ZNF251: variants seen among roughly 807,000 people sequenced by gnomAD.
ZNF251 encodes the protein zinc finger protein 251.
In ZNF251, 14 loss-of-function variants were observed where a neutral mutation model predicts 13.5. The ratio of observed to expected loss-of-function variants is 1.04; its 90% confidence interval spans 0.69 to 1.63. ZNF251 has a LOEUF of 1.63. Ranked by LOEUF, ZNF251 falls within the 40% of genes most tolerant of loss-of-function variation. The probability of loss-of-function intolerance (pLI) is 0.00; values close to 1 mark genes in which losing one functional copy is unlikely to be tolerated. For synonymous variants in ZNF251, 287 were observed against 295.2 expected (o/e 0.97, Z 0.28); for missense variants, 764 against 834.9 (o/e 0.92, Z 1.05).
At chr8:144,728,863 C>G (rs1165426651) in intron 4 of ZNF251, among the ~76,000 whole-genome samples, 1 of 151,718 alleles carries the variant, frequency 6.6e-6, no homozygotes, top group Admixed American at 6.6e-5. Context: ...CCCAGGGGGG[C>G]AGATCACCTG....
In ZNF251 at chr8:144,721,774, T is replaced by A; in HGVS notation, c.1886A>T (p.Lys629Ile). ...GAGCTGTGAACTCTGGCTGAAGGCT[T>A]TCCCATACACACTGCAATGACATGG... The part of the protein sequence containing the change: ...QKPCHCSVYG[K>I]AFSQSSQLTP... The change falls in exon 5 of 5, where the codon AAA becomes ATA. Residue 629 changes from lysine (K) to isoleucine (I), a missense_variant. Lys to Ile is a moderately radical substitution (Grantham distance 102, BLOSUM62 -3). Coordinates refer to ENST00000292562, the MANE Select transcript of ZNF251 (RefSeq NM_138367.2). 1 of 1,451,322 alleles carries A rather than the reference T, an allele frequency of 6.9e-7. No homozygotes were observed. Among genetic ancestry groups the A allele is most frequent in the Non-Finnish European group, 9.1e-7 (1 of 1,099,492 alleles). 89.9% of individuals were successfully genotyped at this position (1,451,322 alleles called of 1,614,324 possible).
At chr8:144,740,896 G>A (rs1328709187) in intron 4 of ZNF251, among the ~76,000 whole-genome samples, 2 of 151,918 alleles carry the variant, frequency 1.3e-5, no homozygotes, top group Non-Finnish European at 2.9e-5. Flanking sequence ...TGGCGCCATC[G>A]CACTCCGGCC....
chr8:144,742,481 A>C (rs1586699037), intron 4 of ZNF251, among the ~76,000 whole-genome samples: 5 of 140,962 alleles, frequency 3.5e-5, no homozygotes, highest in African/African-American at 8.0e-5. Context: ...CCCCCCACAC[A>C]CCTCCCCCAC....
chr8:144,736,532 C>G (rs1823902977), intron 4 of ZNF251, among the ~76,000 whole-genome samples: 2 of 151,420 alleles, frequency 1.3e-5, no homozygotes, highest in East Asian at 3.9e-4. Flanking sequence ...GCTCTTGTTG[C>G]CCAGGCTAGA....
chr8:144,754,385 C>A, intron 2 of ZNF251, 64 bp from the exon 3 acceptor site: 7 of 1,499,660 alleles, frequency 4.7e-6, no homozygotes, highest in Non-Finnish European at 4.5e-6. Context: ...ACTAAAAGGG[C>A]CCTGACCTGG....
Position 144,753,719 on chromosome 8 carries a change from C to T in ZNF251, c.241G>A (p.Ala81Thr). The T allele has an allele frequency of 6.3e-7, 1 of 1,597,116 alleles. No homozygotes were observed. The highest frequency in any genetic ancestry group is 8.5e-7 in the Non-Finnish European group (1 of 1,171,286). Reference sequence around the variant, plus strand: ...CTTTTCAAGATATCTGGTTCCTCAGCTCCCAGAAGATTCAGGACCCAAAGT... The same window carrying T: ...CTTTTCAAGATATCTGGTTCCTCAGTTCCCAGAAGATTCAGGACCCAAAGT... ...KELWVLNLLG[A>T]EEPDILKSCQ... Residue 81 changes from alanine to threonine, a missense_variant, in exon 4 of 5, where the codon GCT (alanine) becomes ACT (threonine). By Grantham distance (58) the Ala-to-Thr change is moderately conservative. Coordinates refer to ENST00000292562, the MANE Select transcript of ZNF251 (RefSeq NM_138367.2).
Position 144,723,289 on chromosome 8 carries a change from A to G in ZNF251, c.371T>C (p.Leu124Ser). 2 of 1,587,192 alleles carry G rather than the reference A, an allele frequency of 1.3e-6. No homozygotes were observed. Among genetic ancestry groups the G allele is most frequent in the Non-Finnish European group, 1.7e-6 (2 of 1,168,088 alleles). The change falls in exon 5 of 5, where the codon TTA (leucine) becomes TCA (serine). Residue 124 changes from leucine to serine, a missense_variant. Coordinates refer to ENST00000292562, the MANE Select transcript of ZNF251 (RefSeq NM_138367.2). ...CTCAGCGGCCTGTGCATTATCCCTT[A>G]AGAGTCTTCTTGATACAAATTCTGG... The part of the protein sequence containing the change: ...KTPEFVSRRL[L>S]RDNAQAAEFR...
intron 4 of ZNF251, among the ~76,000 whole-genome samples, chr8:144,736,295 G>A (rs1029136196): frequency 6.6e-6 from 1 of 152,006 alleles, no homozygotes; most frequent in Non-Finnish European, 1.5e-5. Context: ...ACTCTGAGGG[G>A]ACAATTACCC....
Position 144,722,638 on chromosome 8 carries a change from C to T in ZNF251, c.1022G>A (p.Arg341Lys). Residue 341 changes from arginine to lysine, a missense_variant, in exon 5 of 5, where the codon AGA becomes AAA. Transcript: ENST00000292562. This position sits in a 1 kb window ranked among gnomAD's most constrained non-coding sequence, Gnocchi z 4.8. ...SQSPQLTQHQ[R>K]IHTGEKPHEC... Reference sequence around the variant, plus strand: ...ATGCGGCTTCTCTCCAGTGTGAATTCTCTGATGCTGAGTTAACTGGGGGCT... The same window carrying T: ...ATGCGGCTTCTCTCCAGTGTGAATTTTCTGATGCTGAGTTAACTGGGGGCT... The T allele has an allele frequency of 6.2e-7, 1 of 1,614,218 alleles. No individual in the cohort carries two copies. The highest frequency in any genetic ancestry group is 8.5e-7 in the Non-Finnish European group (1 of 1,180,034).
Position 144,734,492 on chromosome 8 carries a change from C to G in ZNF251, c.278-11110G>C, listed in dbSNP as rs144339840. Among the ~76,000 whole-genome samples the G allele has an allele frequency of 6.6e-6, 1 of 152,210 alleles. No individual in the cohort carries two copies. Among genetic ancestry groups the G allele is most frequent in the Non-Finnish European group, 1.5e-5 (1 of 68,036 alleles). On this transcript the variant is annotated intron_variant, in intron 4 of 4. Coordinates refer to ENST00000292562, the MANE Select transcript of ZNF251 (RefSeq NM_138367.2). The surrounding 1 kb of genome is among the most constrained non-coding windows in gnomAD (Gnocchi z 4.4). ...GAGATGAGTGTAAGGCTCACAGCAACGGCATGAACTCTACTTGGTGCCGCT... is the reference window on the plus strand; with the variant it reads ...GAGATGAGTGTAAGGCTCACAGCAAGGGCATGAACTCTACTTGGTGCCGCT...
chr8:144,746,880 A>G (rs538609946), intron 4 of ZNF251, among the ~76,000 whole-genome samples: 1 of 152,028 alleles, frequency 6.6e-6, no homozygotes, highest in East Asian at 1.9e-4. Flanking sequence ...AGTCTGGCTA[A>G]AGGTTTACTG....
rs553096933 is a variant in ZNF251 at position 144,732,777 on chromosome 8, A to C, written c.278-9395T>G. Among the ~76,000 whole-genome samples the C allele has an allele frequency of 6.8e-5, 10 of 146,694 alleles. No homozygotes were observed. The East Asian group carries it at 1.9e-3, about 27-fold the overall frequency. ...CAGTGAGCCAAGATCGCACCACTGC[A>C]CTCCAGCCTGGGCGACAGAGCGAGA... On this transcript the variant is annotated intron_variant, in intron 4 of 4. Coordinates refer to ENST00000292562, the MANE Select transcript of ZNF251 (RefSeq NM_138367.2).
intron 4 of ZNF251, among the ~76,000 whole-genome samples, chr8:144,737,837 CAAAAAAAAAAAA>C (rs56856212): frequency 3.8e-5 from 2 of 52,020 alleles, no homozygotes; most frequent in South Asian, 9.0e-4. Flanking sequence ...GACTCTGTCT[CAAAAAAAAAAAA>C]AAAAAAAAAA....
At chr8:144,737,204 C>T (rs1246536727) in intron 4 of ZNF251, among the ~76,000 whole-genome samples, 1 of 151,918 alleles carries the variant, frequency 6.6e-6, no homozygotes, top group Non-Finnish European at 1.5e-5. Flanking sequence ...CTCAAGCAAT[C>T]CTCCCACCTC....
At chr8:144,749,208 T>G (rs1418436077) in intron 4 of ZNF251, among the ~76,000 whole-genome samples, 1 of 152,128 alleles carries the variant, frequency 6.6e-6, no homozygotes, top group Non-Finnish European at 1.5e-5. Flanking sequence ...GATTATTGGC[T>G]GGGTACAGTG....
At chr8:144,733,441 T>C (rs944084237) in intron 4 of ZNF251, among the ~76,000 whole-genome samples, 8 of 152,226 alleles carry the variant, frequency 5.3e-5, no homozygotes, top group Admixed American at 4.6e-4. Flanking sequence ...CTCTTTGACA[T>C]GAGCTCCGGC....
intron 4 of ZNF251, among the ~76,000 whole-genome samples, chr8:144,751,876 C>T (rs1222350773): frequency 1.3e-5 from 2 of 151,918 alleles, no homozygotes; most frequent in Non-Finnish European, 2.9e-5. Flanking sequence ...ATATACTATG[C>T]TAACAGTAAG....
intron 4 of ZNF251, among the ~76,000 whole-genome samples, chr8:144,727,221 C>T (rs1486732210): frequency 6.6e-6 from 1 of 152,188 alleles, no homozygotes; most frequent in African/African-American, 2.4e-5. Flanking sequence ...GCTTTGTTTC[C>T]TAATCTGTGC....
chr8:144,750,198 C>T (rs1824629126), intron 4 of ZNF251, among the ~76,000 whole-genome samples: 1 of 152,150 alleles, frequency 6.6e-6, no homozygotes. Context: ...ACTGCATTTT[C>T]TGCCTTTTAA....
Sources: gnomAD v4.1 joint callset for allele counts (sites outside exome capture counted in the v4.1 genomes callset) on GRCh38, gnomAD v4.1.1 for gene constraint, Gnocchi (gnomAD v3.1) non-coding constraint, MANE v1.5 for transcripts, NCBI Gene and HGNC (gene_info 2026-07-23, HGNC 2026-07-21) for gene names.